Variants in DSE observed in about 807,000 individuals in gnomAD.
DSE encodes the protein dermatan-sulfate epimerase.
DSE carries 36 observed loss-of-function variants against 84.4 expected under a neutral mutation model. The observed-to-expected ratio is 0.43, with a 90% CI of 0.33 to 0.56. DSE has a LOEUF of 0.56. Ranked by LOEUF, DSE falls within the 20% of genes least tolerant of loss-of-function variation. DSE has a pLI of 0.06. For synonymous variants in DSE, 410 were observed against 430.1 expected (o/e 0.95, Z 0.58); for missense variants, 862 against 1,169.6 (o/e 0.74, Z 3.84).
chr6:116,259,101 C>T, intron 2 of DSE: 1 of 1,526,960 alleles, frequency 6.5e-7, no homozygotes, highest in Non-Finnish European at 9.0e-7. Flanking sequence ...GTGCTGCTGT[C>T]TCCCACTCAG....
intron 2 of DSE, among the ~76,000 whole-genome samples, chr6:116,345,225 C>A (rs1431550112): frequency 6.6e-6 from 1 of 152,182 alleles, no homozygotes; most frequent in African/African-American, 2.4e-5. Flanking sequence ...AGAAAGTTAA[C>A]AAGGATATCC....
intron 2 of DSE, among the ~76,000 whole-genome samples, chr6:116,273,833 T>TG (rs1491341674): frequency 5.8e-5 from 5 of 86,066 alleles, no homozygotes; most frequent in African/African-American, 2.4e-4. Context: ...TATGTTTTTT[T>TG]GTTTTTTTTT....
intron 2 of DSE, among the ~76,000 whole-genome samples, chr6:116,297,513 T>C (rs1239393462): frequency 6.6e-6 from 1 of 152,186 alleles, no homozygotes; most frequent in African/African-American, 2.4e-5. Flanking sequence ...TCTGAAACAC[T>C]AATTTTAGTG....
intron 2 of DSE, among the ~76,000 whole-genome samples, chr6:116,333,546 A>G (rs1395505956): frequency 6.6e-6 from 1 of 152,198 alleles, no homozygotes; most frequent in Non-Finnish European, 1.5e-5. Flanking sequence ...CATGAGTTTT[A>G]GAGGGGATTT....
intron 2 of DSE, among the ~76,000 whole-genome samples, chr6:116,416,829 A>G (rs922117255): frequency 5.3e-5 from 8 of 152,180 alleles, no homozygotes; most frequent in Non-Finnish European, 8.8e-5. Context: ...TGACTGAGTG[A>G]TAACATCAAA....
At chr6:116,390,960 C>T (rs2213564) in intron 1 of DSE, among the ~76,000 whole-genome samples, 16 of 152,212 alleles carry the variant, frequency 1.1e-4, no homozygotes, top group Admixed American at 1.0e-3. Context: ...ACCAGGCTAA[C>T]CTCTACCACT....
rs753614023 is a variant in DSE, at chr6:116,258,406, TATA to T, written c.-575-35_-575-33del. On this transcript the variant is annotated intron_variant, in intron 1 of 3. Coordinates refer to the DSE transcript ENST00000430252. ...CAACATGCACATTTTTTAAAGTCAT[TATA>T]ATAACTTAGTTGTAATTTTTTTGCT... The T allele has an allele frequency of 3.8e-4, 265 of 698,642 alleles. No homozygotes were observed. In the East Asian group the frequency reaches 7.0e-3, roughly 19 times the overall value. 43.3% of individuals were successfully genotyped at this position (698,642 alleles called of 1,614,324 possible).
intron 2 of DSE, chr6:116,401,067 A>G (rs962764414): frequency 9.2e-5 from 14 of 152,178 alleles, no homozygotes; most frequent in African/African-American, 3.1e-4. Flanking sequence ...AGAACCGTGT[A>G]TTTAATCTCA....
At chr6:116,318,253 T>C (rs1030642334) in intron 2 of DSE, among the ~76,000 whole-genome samples, 3 of 152,178 alleles carry the variant, frequency 2.0e-5, no homozygotes, top group African/African-American at 7.2e-5. Flanking sequence ...ACCCCTGTAA[T>C]CCCAACACTT....
intron 2 of DSE, among the ~76,000 whole-genome samples, chr6:116,262,419 T>C (rs1240215753): frequency 6.6e-6 from 1 of 152,236 alleles, no homozygotes; most frequent in African/African-American, 2.4e-5. Context: ...GTGTTCATAA[T>C]ATTCTCTGAT....
intron 1 of DSE, among the ~76,000 whole-genome samples, chr6:116,382,471 C>T (rs1780296422): frequency 6.6e-6 from 1 of 152,086 alleles, no homozygotes; most frequent in Non-Finnish European, 1.5e-5. Flanking sequence ...TTGCTGTGCC[C>T]CCTGTTTCCT....
intron 2 of DSE, among the ~76,000 whole-genome samples, chr6:116,416,384 TGTG>T (rs1284562115): frequency 6.7e-6 from 1 of 148,960 alleles, no homozygotes; most frequent in African/African-American, 2.6e-5. Context: ...TGTGTGTGTG[TGTG>T]TGTGTGTGTA....
At chr6:116,418,038 A>C (rs984199934) in intron 2 of DSE, among the ~76,000 whole-genome samples, 1 of 152,130 alleles carries the variant, frequency 6.6e-6, no homozygotes, top group Non-Finnish European at 1.5e-5. Flanking sequence ...GAAAGAGAAA[A>C]ATTACAAAGG....
At chr6:116,433,677 T>G (rs1416096204) in intron 5 of DSE, 127 bp downstream of exon 5, 2 of 949,790 alleles carry the variant, frequency 2.1e-6, no homozygotes, top group African/African-American at 1.7e-5. Flanking sequence ...CCATGCCACC[T>G]GAGTATATGA....
At chr6:116,430,702 C>T (rs751067421) in intron 3 of DSE, among the ~76,000 whole-genome samples, 7 of 152,278 alleles carry the variant, frequency 4.6e-5, no homozygotes, top group Admixed American at 1.3e-4. Flanking sequence ...CCACCACACC[C>T]GGCTAATTTT....
intron 1 of DSE, among the ~76,000 whole-genome samples, chr6:116,397,108 C>CAAT (rs1781299005): frequency 6.6e-6 from 1 of 151,554 alleles, no homozygotes; most frequent in Admixed American, 6.6e-5. Context: ...CCCCACAATG[C>CAAT]TGATTGCATT....
At chr6:116,298,224 C>A (rs72958025) in intron 2 of DSE, among the ~76,000 whole-genome samples, 1 of 152,130 alleles carries the variant, frequency 6.6e-6, no homozygotes, top group East Asian at 1.9e-4. Context: ...GCCCTCCCCC[C>A]AGGAAAGATG....
intron 1 of DSE, among the ~76,000 whole-genome samples, chr6:116,397,524 A>G (rs1781337999): frequency 6.6e-6 from 1 of 152,034 alleles, no homozygotes. Flanking sequence ...TGTTCTCTAA[A>G]TGGAGCAAGG....
chr6:116,282,446 T>C (rs187426510), intron 2 of DSE, among the ~76,000 whole-genome samples: 1 of 152,294 alleles, frequency 6.6e-6, no homozygotes, highest in East Asian at 1.9e-4. Context: ...ATGTAATTAA[T>C]GTAATTAACA....
Sources: gnomAD v4.1 joint callset for allele counts (sites outside exome capture counted in the v4.1 genomes callset) on GRCh38, gnomAD v4.1.1 for gene constraint, MANE v1.5 for transcripts, NCBI Gene and HGNC (gene_info 2026-07-23, HGNC 2026-07-21) for gene names.